BNC2: variants seen among roughly 807,000 people sequenced by gnomAD.
BNC2 encodes zinc finger protein basonuclin-2.
A neutral mutation model predicts 76.3 loss-of-function variants in BNC2; 20 were observed. The observed-to-expected ratio is 0.26, with a 90% CI of 0.18 to 0.38. The LOEUF is 0.38. Among genes scored for constraint, BNC2 ranks in the 10% least tolerant of loss-of-function variants. BNC2 has a pLI of 1.00. For missense variants in BNC2, 1,382 were observed against 1,399.8 expected, an observed-to-expected ratio of 0.99 and a Z score of 0.20; for synonymous variants, 582 against 514.8, an observed-to-expected ratio of 1.13 and a Z score of -1.77.
chr9:16,665,488 A>AAG (rs754680621), intron 3 of BNC2, among the ~76,000 whole-genome samples: 10 of 135,622 alleles, frequency 7.4e-5, no homozygotes, highest in East Asian at 2.2e-4. Context: ...GAAAGAAAGA[A>AAG]AGAGAGAGAG....
At chr9:16,421,920 G>A (rs1169247564) in intron 6 of BNC2, among the ~76,000 whole-genome samples, 1 of 152,080 alleles carries the variant, frequency 6.6e-6, no homozygotes, top group East Asian at 1.9e-4. Flanking sequence ...CACATTTTGC[G>A]ATGACTGTAA....
At chr9:16,593,573 T>C (rs73419489) in intron 3 of BNC2, among the ~76,000 whole-genome samples, 1 of 151,990 alleles carries the variant, frequency 6.6e-6, no homozygotes, top group African/African-American at 2.4e-5. Context: ...CCTATGATAA[T>C]ACATGCGATT....
intron 3 of BNC2, among the ~76,000 whole-genome samples, chr9:16,667,074 T>TACACACAC (rs1229856022): frequency 1.4e-5 from 2 of 144,766 alleles, no homozygotes; most frequent in African/African-American, 5.4e-5. Flanking sequence ...ATCACTCAGA[T>TACACACAC]ACACATACAC....
chr9:16,709,229 A>C (rs1823764582), intron 3 of BNC2, among the ~76,000 whole-genome samples: 1 of 152,178 alleles, frequency 6.6e-6, no homozygotes, highest in Non-Finnish European at 1.5e-5. Context: ...TGGTCCAGTT[A>C]CTAAAGCAAC....
intron 5 of BNC2, among the ~76,000 whole-genome samples, chr9:16,460,312 GAA>G (rs754774287): frequency 7.2e-6 from 1 of 139,796 alleles, no homozygotes; most frequent in Non-Finnish European, 1.6e-5. Context: ...AAACGGAACA[GAA>G]AAAAAAAAAA....
intron 5 of BNC2, among the ~76,000 whole-genome samples, chr9:16,518,413 C>T (rs568470791): frequency 4.6e-5 from 7 of 151,868 alleles, no homozygotes; most frequent in East Asian, 1.9e-4. Context: ...TGTAATAGGG[C>T]GAAACCATAT....
chr9:16,501,307 G>A (rs1822512358), intron 5 of BNC2, among the ~76,000 whole-genome samples: 2 of 152,090 alleles, frequency 1.3e-5, no homozygotes, highest in South Asian at 2.1e-4. Context: ...AAATCTTGAG[G>A]AACAAGGGAA....
chr9:16,785,313 A>G (rs908948539), intron 1 of BNC2, among the ~76,000 whole-genome samples: 12 of 152,198 alleles, frequency 7.9e-5, no homozygotes, highest in African/African-American at 2.7e-4. Flanking sequence ...CATTTCACAG[A>G]TATCACCACT....
At chr9:16,697,069 T>C (rs1460990425) in intron 3 of BNC2, among the ~76,000 whole-genome samples, 1 of 152,184 alleles carries the variant, frequency 6.6e-6, no homozygotes, top group Non-Finnish European at 1.5e-5. Context: ...GCAATATAAA[T>C]TAAAGAGTGT....
intron 3 of BNC2, among the ~76,000 whole-genome samples, chr9:16,696,709 A>G (rs1219583931): frequency 6.6e-6 from 1 of 152,228 alleles, no homozygotes; most frequent in African/African-American, 2.4e-5. Flanking sequence ...TAAAATTCAT[A>G]AGGGCACCAG....
chr9:16,745,014 T>G (rs1824959405), intron 1 of BNC2, among the ~76,000 whole-genome samples: 1 of 152,244 alleles, frequency 6.6e-6, no homozygotes, highest in Non-Finnish European at 1.5e-5. Context: ...GTCAGAGTTC[T>G]GCAGCGCAAT....
chr9:16,610,450 T>C (rs907378124), intron 3 of BNC2, among the ~76,000 whole-genome samples: 29 of 152,248 alleles, frequency 1.9e-4, no homozygotes, highest in African/African-American at 6.7e-4. Context: ...AGATACAAGT[T>C]TGAAGGAATG....
At chr9:16,616,852 G>A (rs1358227399) in intron 3 of BNC2, among the ~76,000 whole-genome samples, 3 of 141,394 alleles carry the variant, frequency 2.1e-5, no homozygotes, top group African/African-American at 5.1e-5. Context: ...CTACTGACAC[G>A]TGGGAATTTC....
chr9:16,491,324 T>C (rs939021666), intron 5 of BNC2, among the ~76,000 whole-genome samples: 1 of 151,978 alleles, frequency 6.6e-6, no homozygotes, highest in Non-Finnish European at 1.5e-5. Context: ...TCCACTGCAG[T>C]GATATACTCA....
At chr9:16,607,628 T>G (rs184317492) in intron 3 of BNC2, among the ~76,000 whole-genome samples, 72 of 152,354 alleles carry the variant, frequency 4.7e-4, no homozygotes, top group African/African-American at 1.5e-3. Flanking sequence ...TTAACAACTC[T>G]ACTTGAACAT....
intron 3 of BNC2, among the ~76,000 whole-genome samples, chr9:16,697,124 G>T (rs566863967): frequency 6.6e-6 from 1 of 152,128 alleles, no homozygotes; most frequent in Non-Finnish European, 1.5e-5. Flanking sequence ...ACTTTGGGAG[G>T]CTGAGGCGGG....
intron 1 of BNC2, among the ~76,000 whole-genome samples, chr9:16,787,899 A>G (rs926081590): frequency 1.3e-5 from 2 of 152,174 alleles, no homozygotes; most frequent in African/African-American, 4.8e-5. Context: ...GCCAGGATGC[A>G]GCTTCAGAAC....
chr9:16,834,980 G>C (rs1275730895), intron 1 of BNC2, among the ~76,000 whole-genome samples: 2 of 152,088 alleles, frequency 1.3e-5, no homozygotes, highest in African/African-American at 2.4e-5. Context: ...GATCCAGTCG[G>C]TCATGGATAT....
At chr9:16,837,252 T>C (rs1299453937) in intron 1 of BNC2, among the ~76,000 whole-genome samples, 1 of 152,202 alleles carries the variant, frequency 6.6e-6, no homozygotes, top group Non-Finnish European at 1.5e-5. Context: ...ATGCCTGTAA[T>C]CCCAGCACTT....
Sources: gnomAD v4.1 joint callset for allele counts (sites outside exome capture counted in the v4.1 genomes callset) on GRCh38, gnomAD v4.1.1 for gene constraint, MANE v1.5 for transcripts, NCBI Gene and HGNC (gene_info 2026-07-23, HGNC 2026-07-21) for gene names.